The following HECTD4 variants were observed in gnomAD, a reference collection of about 807,000 sequenced individuals.
HECTD4 encodes the protein probable E3 ubiquitin-protein ligase HECTD4.
Under a neutral mutation model 471.5 loss-of-function variants are expected in HECTD4, and 114 were observed. The observed-to-expected ratio is 0.24, with a 90% CI of 0.21 to 0.28. The LOEUF (loss-of-function observed/expected upper bound fraction) is 0.28. HECTD4 is among the 10% of genes least tolerant of loss of function. The pLI is 1.00. For synonymous variants in HECTD4, 2,012 were observed against 2,256.0 expected (o/e 0.89, Z 3.07); for missense variants, 3,866 against 5,651.5 (o/e 0.68, Z 10.13).
At chr12:112,294,803 AT>A (rs1379601223) in intron 7 of HECTD4, among the ~76,000 whole-genome samples, 1 of 152,194 alleles carries the variant, frequency 6.6e-6, no homozygotes, top group African/African-American at 2.4e-5. Context: ...TTATAAAAAA[AT>A]TCCTTTTTTA....
In HECTD4 at chr12:112,252,523, T is replaced by C. The variant is rs756768127; in HGVS notation, c.3453A>G (p.Glu1151=). 3 of 1,610,186 alleles carry C rather than the reference T, an allele frequency of 1.9e-6. No homozygotes were observed. In the Admixed American group the frequency reaches 5.1e-5, roughly 27 times the overall value. The change falls in exon 23 of 76, where the codon GAA becomes GAG. Residue 1151 remains glutamate (E), a synonymous_variant. Coordinates refer to ENST00000682272, the MANE Select transcript of HECTD4 (RefSeq NM_001388303.1). Reference sequence around the variant, plus strand: ...CAAAGGAGAAGGTGACTGTATCTCCTTCCACCTTAAAATTTAAGGAAGGGG... The same window carrying C: ...CAAAGGAGAAGGTGACTGTATCTCCCTCCACCTTAAAATTTAAGGAAGGGG... The part of the protein sequence containing the change: ...TGWPKDLVKV[E]GDTVTFSFEM...
chr12:112,284,967 G>C (rs2034720667), intron 7 of HECTD4, among the ~76,000 whole-genome samples: 1 of 152,054 alleles, frequency 6.6e-6, no homozygotes, highest in African/African-American at 2.4e-5. Flanking sequence ...GAGTAGCTGG[G>C]ACCACAGGAA....
chr12:112,323,970 C>T (rs1162927422), intron 1 of HECTD4, among the ~76,000 whole-genome samples: 181 of 16,802 alleles, frequency 0.011, 28 homozygotes, highest in African/African-American at 0.068. Flanking sequence ...TTCTTTCTTC[C>T]TTCCTTCCTT....
chr12:112,275,243 A>G (rs2034502145), intron 9 of HECTD4, among the ~76,000 whole-genome samples: 3 of 152,236 alleles, frequency 2.0e-5, no homozygotes, highest in Admixed American at 2.0e-4. Context: ...CATTATCAAA[A>G]GGGTAACTGC....
At chr12:112,299,450 C>T (rs2035117969) in intron 7 of HECTD4, among the ~76,000 whole-genome samples, 1 of 152,026 alleles carries the variant, frequency 6.6e-6, no homozygotes, top group African/African-American at 2.4e-5. Flanking sequence ...CCTCCCACCC[C>T]CGTCTCTACA....
chr12:112,200,923 C>A, intron 54 of HECTD4, 125 bp from the exon 55 acceptor site: 1 of 805,678 alleles, frequency 1.2e-6, no homozygotes, highest in Non-Finnish European at 1.9e-6. Flanking sequence ...ATTTTCAGTC[C>A]AGGCTTTTAG....
chr12:112,163,535 T>C lies in HECTD4; in HGVS notation c.12897+7A>G. On this transcript the variant is annotated splice_region_variant and intron_variant, in intron 74 of 75. Transcript: ENST00000682272. The surrounding 1 kb of genome is among the most constrained non-coding windows in gnomAD (Gnocchi z 8.2). ...CTCCCCGCCCAGCCTGGCCCTGGGA[T>C]GTCTACCTTGAGGAACTCGAGGTTG... is the stretch of plus-strand genomic sequence containing the variant. 1 of 1,457,880 alleles carries C rather than the reference T, an allele frequency of 6.9e-7. No homozygotes were observed. Among genetic ancestry groups the C allele is most frequent in the Non-Finnish European group, 9.1e-7 (1 of 1,101,242 alleles). 90.3% of individuals were successfully genotyped at this position (1,457,880 alleles called of 1,614,324 possible).
Position 112,306,096 on chromosome 12 carries a change from G to T in HECTD4, c.1303C>A (p.His435Asn). The change falls in exon 7 of 76, where the codon CAT becomes AAT. Residue 435 changes from histidine to asparagine, a missense_variant. Around this residue, in one of 16 missense-constraint regions of HECTD4, gnomAD observed 440 missense variants for 636.0 expected, o/e 0.69. Transcript: ENST00000682272. ...ASLNEKTPKG[H>N]SVFMDIFELV... ...TCAAAAATGTCCATGAAGACAGAATGTCCCTTCGGTGTTTTCTCATTCAGG... is the reference window on the plus strand; with the variant it reads ...TCAAAAATGTCCATGAAGACAGAATTTCCCTTCGGTGTTTTCTCATTCAGG... The T allele has an allele frequency of 6.2e-7, 1 of 1,609,452 alleles. No homozygotes were observed. The highest frequency in any genetic ancestry group is 8.5e-7 in the Non-Finnish European group (1 of 1,178,702).
At chr12:112,217,346 C>A (rs2032951990) in intron 45 of HECTD4, among the ~76,000 whole-genome samples, 151 bp from the exon 46 acceptor site, 1 of 151,568 alleles carries the variant, frequency 6.6e-6, no homozygotes, top group East Asian at 1.9e-4. Context: ...TACACACACA[C>A]ACACACACAC....
chr12:112,279,268 T>A lies in HECTD4; in HGVS notation c.1647A>T (p.Arg549=). The change falls in exon 9 of 76, where the codon CGA becomes CGT. Residue 549 remains arginine (R), a synonymous_variant. Transcript: ENST00000682272. ...PPGGSGSSAT[R]SLFGGTSGLS... The stretch of plus-strand genomic sequence containing the variant: ...AACCACTTGTTCCACCAAAAAGAGA[T>A]CGGGTGGCAGAGCTGCCTGATCCCC... 5 of 1,611,992 alleles carry A rather than the reference T, an allele frequency of 3.1e-6. No individual in the cohort carries two copies. The highest frequency in any genetic ancestry group is 4.2e-6 in the Non-Finnish European group (5 of 1,179,506).
intron 1 of HECTD4, among the ~76,000 whole-genome samples, chr12:112,370,172 T>C (rs1467381156): frequency 6.6e-6 from 1 of 151,924 alleles, no homozygotes; most frequent in Non-Finnish European, 1.5e-5. Context: ...ACTCTGAAGA[T>C]GGAGGAAACA....
intron 7 of HECTD4, among the ~76,000 whole-genome samples, chr12:112,287,950 T>C (rs899765552): frequency 6.6e-6 from 1 of 152,122 alleles, no homozygotes; most frequent in Non-Finnish European, 1.5e-5. Flanking sequence ...TAATGAATGA[T>C]GCATCCTTGT....
intron 44 of HECTD4, among the ~76,000 whole-genome samples, chr12:112,223,465 G>T (rs60082293): frequency 0.091 from 13,863 of 152,006 alleles, 681 homozygotes; most frequent in East Asian, 0.23. Flanking sequence ...TGTCTCCCAG[G>T]CTGGAGTGCA....
At position 112,339,707 on chromosome 12, in the gene HECTD4, T is replaced by C. The variant is rs73209611; in HGVS notation, c.178-19965A>G. Reference sequence around the variant, plus strand: ...AATACAGACAGTCCCTGACTTACGATGTGCTTACATCTAGATAAACCTACC... The same window carrying C: ...AATACAGACAGTCCCTGACTTACGACGTGCTTACATCTAGATAAACCTACC... On this transcript the variant is annotated intron_variant, in intron 1 of 75. Coordinates refer to ENST00000682272, the MANE Select transcript of HECTD4 (RefSeq NM_001388303.1). 5.3e-5 allele frequency among the ~76,000 whole-genome samples: 8 copies of C among 152,322 alleles called. No individual in the cohort carries two copies. The East Asian group carries it at 7.7e-4, about 15-fold the overall frequency.
intron 1 of HECTD4, among the ~76,000 whole-genome samples, chr12:112,346,101 GC>G (rs1422401599): frequency 6.6e-6 from 1 of 152,176 alleles, no homozygotes; most frequent in Non-Finnish European, 1.5e-5. Context: ...GAGTGCGACT[GC>G]CCCATTTCAC....
Position 112,169,657 on chromosome 12 carries a change from C to T in HECTD4, c.12054G>A (p.Gly4018=). The T allele has an allele frequency of 1.9e-6, 3 of 1,612,972 alleles. No individual in the cohort carries two copies. Among genetic ancestry groups the T allele is most frequent in the South Asian group, 2.2e-5 (2 of 91,080 alleles). Residue 4018 remains glycine, a splice_region_variant and synonymous_variant, in exon 70 of 76, where the codon GGG becomes GGA. Coordinates refer to ENST00000682272, the MANE Select transcript of HECTD4 (RefSeq NM_001388303.1). The stretch of plus-strand genomic sequence containing the variant: ...AGGAGTTTTCAGAAGCTCTGATTTC[C>T]CCTGGAAAGTGAGATGAGCTGATCA... The part of the protein sequence containing the change: ...ITLDPLEIVG[G]EIRASENSYF...
intron 1 of HECTD4, among the ~76,000 whole-genome samples, chr12:112,348,969 A>T (rs2036204263): frequency 6.6e-6 from 1 of 152,212 alleles, no homozygotes; most frequent in South Asian, 2.1e-4. Context: ...AGTTGTTTAC[A>T]ATAAACACAA....
intron 7 of HECTD4, among the ~76,000 whole-genome samples, chr12:112,293,364 C>CA (rs754332904): frequency 0.033 from 2,288 of 69,568 alleles, 77 homozygotes; most frequent in African/African-American, 0.081. Context: ...GACTCTGTCT[C>CA]AAAAAAAAAA....
chr12:112,169,375 G>GT, intron 70 of HECTD4, 128 bp downstream of exon 70: 1 of 1,091,522 alleles, frequency 9.2e-7, no homozygotes, highest in Non-Finnish European at 1.3e-6. Flanking sequence ...GTGCAGACCT[G>GT]GCTTCTGCAG....
Sources: gnomAD v4.1 joint callset for allele counts (sites outside exome capture counted in the v4.1 genomes callset) on GRCh38, gnomAD v4.1.1 for gene constraint, gnomAD v4.1.1 regional missense constraint, Gnocchi (gnomAD v3.1) non-coding constraint, MANE v1.5 for transcripts, NCBI Gene and HGNC (gene_info 2026-07-23, HGNC 2026-07-21) for gene names.